Variants in DARS1 observed in about 807,000 individuals in gnomAD.
The protein encoded by DARS1 is aspartyl-tRNA synthetase 1, also known as aspartate--tRNA ligase, cytoplasmic.
A neutral mutation model predicts 68.8 loss-of-function variants in DARS1; 51 were observed. The ratio of observed to expected loss-of-function variants is 0.74; its 90% confidence interval spans 0.59 to 0.94. The LOEUF is 0.94. Ranked by LOEUF, DARS1 falls within the 40% of genes least tolerant of loss-of-function variation. DARS1 has a pLI of 0.00. For synonymous variants in DARS1, 203 were observed against 190.4 expected, an observed-to-expected ratio of 1.07 and a Z score of -0.55; for missense variants, 607 against 597.3, an observed-to-expected ratio of 1.02 and a Z score of -0.17.
At chr2:135,934,036 T>G in intron 5 of DARS1, 46 bp from the exon 6 acceptor site, 1 of 1,586,562 alleles carries the variant, frequency 6.3e-7, no homozygotes, top group African/African-American at 1.3e-5. Context: ...ACACAAAATC[T>G]GCATCTTTTT....
intron 7 of DARS1, among the ~76,000 whole-genome samples, chr2:135,928,159 A>C (rs1681264604): frequency 6.6e-6 from 1 of 152,206 alleles, no homozygotes; most frequent in African/African-American, 2.4e-5. Flanking sequence ...GTAGCTTTTA[A>C]AAATACCTAT....
intron 5 of DARS1, among the ~76,000 whole-genome samples, chr2:135,935,603 AAAAT>A (rs990911013): frequency 6.6e-6 from 1 of 152,260 alleles, no homozygotes; most frequent in South Asian, 2.1e-4. Context: ...CTGTCTCGAA[AAAAT>A]AAATAAATAA....
chr2:135,971,958 A>G (rs915814098), intron 3 of DARS1, among the ~76,000 whole-genome samples: 1 of 152,328 alleles, frequency 6.6e-6, no homozygotes, highest in East Asian at 1.9e-4. Context: ...AAATGGAAAG[A>G]TATTCCATGT....
intron 4 of DARS1, among the ~76,000 whole-genome samples, chr2:135,961,040 T>C (rs1287328507): frequency 6.6e-6 from 1 of 152,096 alleles, no homozygotes; most frequent in African/African-American, 2.4e-5. Flanking sequence ...AACATGCAAA[T>C]CTCAAACTGG....
chr2:135,936,365 A>T (rs1054452106), intron 5 of DARS1, among the ~76,000 whole-genome samples: 3 of 152,164 alleles, frequency 2.0e-5, no homozygotes, highest in African/African-American at 7.2e-5. Context: ...TCTAGTAAAA[A>T]AACAGAAATA....
intron 3 of DARS1, among the ~76,000 whole-genome samples, chr2:135,968,128 T>C (rs1374284327): frequency 6.6e-6 from 1 of 151,912 alleles, no homozygotes; most frequent in African/African-American, 2.4e-5. Context: ...GATATGGTGG[T>C]GCATGCCTGT....
intron 1 of DARS1, among the ~76,000 whole-genome samples, chr2:135,984,541 A>C (rs1268774645): frequency 6.6e-6 from 1 of 152,252 alleles, no homozygotes; most frequent in Non-Finnish European, 1.5e-5. Flanking sequence ...CACACAATGA[A>C]GCCTGAGGGC....
intron 12 of DARS1, among the ~76,000 whole-genome samples, chr2:135,913,407 T>C (rs1293057797): frequency 1.3e-5 from 2 of 152,166 alleles, no homozygotes; most frequent in Non-Finnish European, 2.9e-5. Context: ...CTTGAAATTA[T>C]GACTTTTTTT....
chr2:135,962,774 G>T (rs3768998), intron 3 of DARS1, among the ~76,000 whole-genome samples: 30,703 of 152,078 alleles, frequency 0.2, 4,060 homozygotes, highest in South Asian at 0.33. Flanking sequence ...AAATTCAAAG[G>T]AGTTTTAAAA....
Position 135,985,423 on chromosome 2 carries a change from C to T in DARS1, c.46G>A (p.Glu16Lys), listed in dbSNP as rs1682755713. 4 of 1,613,912 alleles carry T rather than the reference C, an allele frequency of 2.5e-6. No homozygotes were observed. The highest frequency in any genetic ancestry group is 2.5e-6 in the Non-Finnish European group (3 of 1,179,974). ...ASRKSQEKPR[E>K]IMDAAEDYAK... is the part of the protein sequence containing the mutation. ...CCCACTTCCGCCGCGTCCATGATCT[C>T]CCGCGGCTTCTCCTGACTCTTGCGG... The change falls in exon 1 of 16, where the codon GAG becomes AAG. Residue 16 changes from glutamate to lysine, a missense_variant. Glu to Lys is a moderately conservative substitution (Grantham distance 56). Transcript: ENST00000264161.
chr2:135,973,681 C>G (rs1682436176), intron 3 of DARS1, among the ~76,000 whole-genome samples: 1 of 151,460 alleles, frequency 6.6e-6, no homozygotes, highest in Non-Finnish European at 1.5e-5. Context: ...ATGGCAAAAC[C>G]CCATCTTTAC....
chr2:135,978,136 C>T (rs1682540444), intron 3 of DARS1, among the ~76,000 whole-genome samples: 1 of 94,730 alleles, frequency 1.1e-5, no homozygotes, highest in African/African-American at 4.4e-5. Flanking sequence ...GAGCAAGACT[C>T]TGTCTCAAAA....
At chr2:135,956,503 GGTTATA>G (rs1558793525) in intron 4 of DARS1, among the ~76,000 whole-genome samples, 1 of 152,104 alleles carries the variant, frequency 6.6e-6, no homozygotes, top group Non-Finnish European at 1.5e-5. Context: ...GGATGACAGG[GGTTATA>G]GTTAAAGCAA....
chr2:135,973,542 T>C (rs573789529), intron 3 of DARS1, among the ~76,000 whole-genome samples: 54 of 151,894 alleles, frequency 3.6e-4, no homozygotes, highest in African/African-American at 1.3e-3. Flanking sequence ...CCAATAATAA[T>C]TGTACATTTA....
intron 12 of DARS1, among the ~76,000 whole-genome samples, chr2:135,912,915 G>A (rs1328920204): frequency 6.6e-6 from 1 of 151,856 alleles, no homozygotes; most frequent in Non-Finnish European, 1.5e-5. Context: ...TGTAGAGATG[G>A]AATCTCGCTA....
intron 5 of DARS1, among the ~76,000 whole-genome samples, chr2:135,936,562 A>C (rs1681477013): frequency 6.6e-6 from 1 of 152,272 alleles, no homozygotes; most frequent in Non-Finnish European, 1.5e-5. Context: ...CATCTGGCCA[A>C]ATTTTCTTTA....
At position 135,911,193 on chromosome 2, in the gene DARS1, C is replaced by T. The variant is rs775803261; in HGVS notation, c.1360G>A (p.Ala454Thr). Reference protein sequence around the residue: ...HHGIDLEKIKAYIDSFRFGAP... With the variant: ...HHGIDLEKIKTYIDSFRFGAP... The stretch of plus-strand genomic sequence containing the variant: ...CCAAAGCGGAAGGAATCAATGTAAG[C>T]CTTAATTTTCTCCAAATCTGCAAAA... Residue 454 changes from alanine (A) to threonine (T), a missense_variant, in exon 15 of 16, where the codon GCT becomes ACT. Coordinates refer to ENST00000264161, the MANE Select transcript of DARS1 (RefSeq NM_001349.4). 1 of 1,535,410 alleles carries T rather than the reference C, an allele frequency of 6.5e-7. No individual in the cohort carries two copies. The highest frequency in any genetic ancestry group is 9.0e-7 in the Non-Finnish European group (1 of 1,109,116).
At chr2:135,944,227 T>A (rs1439829823) in intron 4 of DARS1, among the ~76,000 whole-genome samples, 1 of 152,172 alleles carries the variant, frequency 6.6e-6, no homozygotes, top group Non-Finnish European at 1.5e-5. Context: ...AGGAAGAAAA[T>A]GTATACTCCA....
rs1228713186 is a variant in DARS1 at position 135,907,542 on chromosome 2, G to A, written c.1415-135C>T. 3 of 583,546 alleles carry A rather than the reference G, an allele frequency of 5.1e-6. No individual in the cohort carries two copies. The African/African-American group carries it at 5.9e-5, about 11-fold the overall frequency. 36.1% of individuals were successfully genotyped at this position (583,546 alleles called of 1,614,324 possible). A position where few individuals can be genotyped will look rare whatever the true frequency, so the allele number is the denominator to read the frequency against. Reference sequence around the variant, plus strand: ...GAAAGAAAATGACTCTTATTATTTTGGGTTTATTTAAAACTGTTTTGAGTA... The same window carrying A: ...GAAAGAAAATGACTCTTATTATTTTAGGTTTATTTAAAACTGTTTTGAGTA... On this transcript the variant is annotated intron_variant, in intron 15 of 15. Transcript: ENST00000264161.
Sources: allele counts gnomAD v4.1 joint callset (sites outside exome capture counted in the v4.1 genomes callset), GRCh38; gene constraint gnomAD v4.1.1; transcripts MANE v1.5; gene names NCBI Gene and HGNC (gene_info 2026-07-23, HGNC 2026-07-21).